The following ATP8A2 variants were observed in gnomAD, a reference collection of about 807,000 sequenced individuals.
ATP8A2 encodes the protein phospholipid-transporting ATPase IB.
Under a neutral mutation model 165.6 loss-of-function variants are expected in ATP8A2, and 100 were observed. The observed-to-expected ratio is 0.60, with a 90% CI of 0.51 to 0.71. The LOEUF (loss-of-function observed/expected upper bound fraction) is 0.71, where lower values mean the gene tolerates loss of function less well. Among genes scored for constraint, ATP8A2 ranks in the 30% least tolerant of loss-of-function variants. The pLI is 0.00. For synonymous variants in ATP8A2, 543 were observed against 548.8 expected (o/e 0.99, Z 0.15); for missense variants, 1,227 against 1,479.5 (o/e 0.83, Z 2.80).
intron 2 of ATP8A2, among the ~76,000 whole-genome samples, chr13:25,512,465 A>C (rs2037264365): frequency 6.6e-6 from 1 of 151,734 alleles, no homozygotes; most frequent in Non-Finnish European, 1.5e-5. Context: ...GGCCAGGCAG[A>C]GGCACCCCTC....
intron 35 of ATP8A2, 114 bp from the exon 36 acceptor site, chr13:26,012,417 C>T: frequency 1.2e-6 from 1 of 822,516 alleles, no homozygotes; most frequent in Non-Finnish European, 1.9e-6. Context: ...AGCACCACGC[C>T]TTACCCGACG....
At chr13:25,413,103 C>G (rs754964187) in intron 1 of ATP8A2, among the ~76,000 whole-genome samples, 3 of 152,184 alleles carry the variant, frequency 2.0e-5, no homozygotes, top group Admixed American at 2.0e-4. Context: ...CAGGCGTGAG[C>G]CACCGTGCTG....
chr13:25,414,276 T>C (rs1308593323), intron 1 of ATP8A2, among the ~76,000 whole-genome samples: 3 of 150,274 alleles, frequency 2.0e-5, no homozygotes, highest in Non-Finnish European at 4.4e-5. Context: ...CTGCAATCTC[T>C]GCCTCCCGGG....
intron 27 of ATP8A2, among the ~76,000 whole-genome samples, chr13:25,786,837 C>T (rs2045041115): frequency 6.7e-6 from 1 of 150,074 alleles, no homozygotes. Flanking sequence ...CTCACTGCAA[C>T]CTCTGCCTCC....
At chr13:25,683,691 T>C (rs1412813575) in intron 24 of ATP8A2, among the ~76,000 whole-genome samples, 2 of 131,204 alleles carry the variant, frequency 1.5e-5, no homozygotes, top group East Asian at 5.3e-4. Context: ...CATCATTTCC[T>C]TTTTTTTTTT....
In ATP8A2 at chr13:25,808,448, A is replaced by C. The variant is rs151136414; in HGVS notation, c.2680-19670A>C. Among the ~76,000 whole-genome samples, 520 of 151,828 alleles carry C rather than the reference A, an allele frequency of 3.4e-3. 3 individuals are homozygous for C. The highest frequency in any genetic ancestry group is 0.012 in the African/African-American group (481 of 41,390). On this transcript the variant is annotated intron_variant, in intron 27 of 36. Coordinates refer to ENST00000381655, the MANE Select transcript of ATP8A2 (RefSeq NM_016529.6). The stretch of plus-strand genomic sequence containing the variant: ...ATCCCATCTCTACTAAAAATACAAA[A>C]ATTTGCTGGGCATGGTGGTGCATGC...
At chr13:25,875,292 A>G (rs1421310435) in intron 33 of ATP8A2, among the ~76,000 whole-genome samples, 5 of 149,466 alleles carry the variant, frequency 3.3e-5, no homozygotes, top group Admixed American at 6.6e-5. Context: ...ACTGATTCAT[A>G]TCAGCTTCTC....
chr13:25,749,308 G>A (rs1050180164), intron 25 of ATP8A2, among the ~76,000 whole-genome samples: 2 of 152,140 alleles, frequency 1.3e-5, no homozygotes. Context: ...GGAGGAGGGG[G>A]AAGTGAAGCT....
chr13:25,878,734 T>C (rs761368829), intron 33 of ATP8A2, among the ~76,000 whole-genome samples: 3 of 152,216 alleles, frequency 2.0e-5, no homozygotes, highest in Middle Eastern at 3.4e-3. Flanking sequence ...TTCAAACGCC[T>C]CTGACAACCA....
intron 25 of ATP8A2, among the ~76,000 whole-genome samples, chr13:25,720,482 A>G (rs185133461): frequency 6.6e-6 from 1 of 152,122 alleles, no homozygotes; most frequent in South Asian, 2.1e-4. Flanking sequence ...TGATAAATGT[A>G]TACTTCTATG....
chr13:25,455,719 C>T (rs1436270708), intron 1 of ATP8A2, among the ~76,000 whole-genome samples: 2 of 152,344 alleles, frequency 1.3e-5, no homozygotes, highest in Non-Finnish European at 1.5e-5. Flanking sequence ...CTTTAATCTG[C>T]TTCTGAGGTC....
intron 2 of ATP8A2, among the ~76,000 whole-genome samples, chr13:25,516,478 A>G (rs539008515): frequency 6.6e-6 from 1 of 152,306 alleles, no homozygotes; most frequent in South Asian, 2.1e-4. Context: ...TTCTGAATGA[A>G]AGGCCAAATG....
intron 24 of ATP8A2, among the ~76,000 whole-genome samples, chr13:25,674,265 T>C (rs930737824): frequency 2.1e-4 from 31 of 151,192 alleles, no homozygotes; most frequent in Non-Finnish European, 2.8e-4. Context: ...TCCAGATGTG[T>C]CCCCCCCCGA....
In ATP8A2 at chr13:26,009,877, C is replaced by G. The variant is rs531871376; in HGVS notation, c.3378-2654C>G. 2.0e-5 allele frequency among the ~76,000 whole-genome samples: 3 copies of G among 152,256 alleles called. No individual in the cohort carries two copies. The South Asian group carries it at 6.2e-4, about 32-fold the overall frequency. Reference sequence around the variant, plus strand: ...GGTCAGGAGTTCAAGACCAGTCTGGCCAACATGGCAAAACCCCATCGCTAC... The same window carrying G: ...GGTCAGGAGTTCAAGACCAGTCTGGGCAACATGGCAAAACCCCATCGCTAC... On this transcript the variant is annotated intron_variant, in intron 35 of 36. Transcript: ENST00000381655.
At chr13:25,954,157 C>T (rs1004719987) in intron 33 of ATP8A2, among the ~76,000 whole-genome samples, 2 of 152,166 alleles carry the variant, frequency 1.3e-5, no homozygotes, top group African/African-American at 4.8e-5. Context: ...CTGGGACACT[C>T]GAGCTTGGTT....
intron 25 of ATP8A2, among the ~76,000 whole-genome samples, chr13:25,700,385 T>C (rs2042926098): frequency 6.6e-6 from 1 of 152,164 alleles, no homozygotes; most frequent in Admixed American, 6.5e-5. Context: ...CATCACCCCG[T>C]AAAGAAACTC....
intron 33 of ATP8A2, among the ~76,000 whole-genome samples, chr13:25,928,746 G>C (rs1954683484): frequency 6.6e-6 from 1 of 152,160 alleles, no homozygotes; most frequent in Non-Finnish European, 1.5e-5. Context: ...TTCAGAGGGT[G>C]GTCCCATGCC....
chr13:25,978,484 T>C (rs1956108385), intron 35 of ATP8A2, among the ~76,000 whole-genome samples: 1 of 152,208 alleles, frequency 6.6e-6, no homozygotes, highest in South Asian at 2.1e-4. Context: ...AACCGGATTC[T>C]ACTGTTCATT....
chr13:25,884,147 C>A (rs997578443), intron 33 of ATP8A2, among the ~76,000 whole-genome samples: 2 of 152,164 alleles, frequency 1.3e-5, no homozygotes, highest in Non-Finnish European at 2.9e-5. Context: ...ACAGTGGGGC[C>A]TTTCACTCCT....
Sources: gnomAD v4.1 joint callset for allele counts (sites outside exome capture counted in the v4.1 genomes callset) on GRCh38, gnomAD v4.1.1 for gene constraint, MANE v1.5 for transcripts, NCBI Gene and HGNC (gene_info 2026-07-23, HGNC 2026-07-21) for gene names.